The following MCM8 variants were observed in gnomAD, a reference collection of about 807,000 sequenced individuals.
MCM8 encodes the protein DNA helicase MCM8.
Under a neutral mutation model 98.9 loss-of-function variants are expected in MCM8, and 85 were observed. The observed-to-expected ratio is 0.86, with a 90% CI of 0.72 to 1.03. The LOEUF is 1.03. Ranked by LOEUF, MCM8 falls within the 50% of genes least tolerant of loss-of-function variation. MCM8 has a pLI of 0.00. For missense variants in MCM8, 951 were observed against 997.8 expected, an observed-to-expected ratio of 0.95 and a Z score of 0.63; for synonymous variants, 352 against 338.6, an observed-to-expected ratio of 1.04 and a Z score of -0.44.
chr20:5,985,080 A>G (rs1215601091), intron 15 of MCM8, 80 bp downstream of exon 15: 5 of 1,149,822 alleles, frequency 4.3e-6, no homozygotes, highest in Admixed American at 2.3e-5. Context: ...GTAGAGCAGT[A>G]GGATACAAAC....
chr20:5,971,314 C>T lies in MCM8; in HGVS notation c.1224-693C>T, dbSNP rs574820241. ...TTTTACAGCCTGTTCTCTCTGAAACCTGTTAGCCAAAGCTTCATCTGCATG... is the reference window on the plus strand; with the variant it reads ...TTTTACAGCCTGTTCTCTCTGAAACTTGTTAGCCAAAGCTTCATCTGCATG... On this transcript the variant is annotated intron_variant, in intron 10 of 18. Transcript: ENST00000610722. 5.9e-5 allele frequency among the ~76,000 whole-genome samples: 9 copies of T among 152,328 alleles called. 1 individual carries two copies. The highest frequency in any genetic ancestry group is 5.2e-4 in the Admixed American group (8 of 15,302).
chr20:5,962,992 A>G (rs963370776), intron 7 of MCM8, among the ~76,000 whole-genome samples: 2 of 152,194 alleles, frequency 1.3e-5, no homozygotes, highest in Non-Finnish European at 2.9e-5. Context: ...AGAGGAAGCA[A>G]TAAGTGCTTC....
At chr20:5,964,185 T>A (rs1002814569) in intron 8 of MCM8, among the ~76,000 whole-genome samples, 6 of 151,488 alleles carry the variant, frequency 4.0e-5, no homozygotes, top group Admixed American at 1.3e-4. Flanking sequence ...CATAATTGAT[T>A]ACATTTTTTC....
intron 12 of MCM8, among the ~76,000 whole-genome samples, chr20:5,974,373 C>T (rs1426914219): frequency 6.6e-6 from 1 of 152,168 alleles, no homozygotes; most frequent in Non-Finnish European, 1.5e-5. Flanking sequence ...GCAGATCCAC[C>T]TGCCTTAGCC....
At chr20:5,957,066 G>A in intron 5 of MCM8, 60 bp from the exon 6 acceptor site, 2 of 1,068,560 alleles carry the variant, frequency 1.9e-6, no homozygotes, top group South Asian at 1.5e-5. Flanking sequence ...TAAAAATAGA[G>A]TTCTGTATAA....
intron 8 of MCM8, among the ~76,000 whole-genome samples, chr20:5,966,757 T>G (rs1319128492): frequency 6.6e-6 from 1 of 152,228 alleles, no homozygotes; most frequent in Non-Finnish European, 1.5e-5. Context: ...ATTGGGTTTC[T>G]CAGATGGTAG....
intron 5 of MCM8, among the ~76,000 whole-genome samples, chr20:5,955,792 T>C (rs1050484437): frequency 2.0e-5 from 3 of 152,160 alleles, no homozygotes; most frequent in African/African-American, 7.2e-5. Flanking sequence ...TTTTATTTAT[T>C]TTTTTGAGAT....
intron 13 of MCM8, among the ~76,000 whole-genome samples, chr20:5,978,318 T>G (rs73894100): frequency 0.028 from 3,676 of 131,088 alleles, 129 homozygotes; most frequent in African/African-American, 0.078. Flanking sequence ...CTATCATATT[T>G]GTGATCATTT....
chr20:5,988,553 A>C (rs1217144723), intron 17 of MCM8, among the ~76,000 whole-genome samples: 1 of 152,012 alleles, frequency 6.6e-6, no homozygotes, highest in Non-Finnish European at 1.5e-5. Flanking sequence ...AATTATTAGC[A>C]GTTTTTTGTG....
rs16991638 is a variant in MCM8, at chr20:5,993,619, A to G, written c.2354A>G (p.Asn785Ser). The change falls in exon 18 of 19, where the codon AAC becomes AGC. Residue 785 changes from asparagine (N) to serine (S), a missense_variant. Coordinates refer to ENST00000610722, the MANE Select transcript of MCM8 (RefSeq NM_032485.6). Reference protein sequence around the residue: ...TAKRFISALNNVAERTYNNIF... With the variant: ...TAKRFISALNSVAERTYNNIF... ...AAAAGATTTATTTCTGCTCTCAACAACGTTGCTGAAAGAACTTATAATAAT... is the reference window on the plus strand; with the variant it reads ...AAAAGATTTATTTCTGCTCTCAACAGCGTTGCTGAAAGAACTTATAATAAT... 50,795 of 1,612,042 alleles carry G rather than the reference A, an allele frequency of 0.032. 1,904 individuals are homozygous for G. The highest frequency in any genetic ancestry group is 0.17 in the African/African-American group (12,583 of 74,968).
chr20:5,993,631 G>A lies in MCM8; in HGVS notation c.2366G>A (p.Arg789Lys). 6.2e-7 allele frequency: 1 copy of A among 1,611,846 alleles called. No homozygotes were observed. The highest frequency in any genetic ancestry group is 8.5e-7 in the Non-Finnish European group (1 of 1,178,530). The change falls in exon 18 of 19, where the codon AGA becomes AAA. Residue 789 changes from arginine to lysine, a missense_variant. Physicochemically the swap from Arg to Lys is conservative, Grantham distance 26. Transcript: ENST00000610722. ...TCTGCTCTCAACAACGTTGCTGAAAGAACTTATAATAATATATTTCAATTT... is the reference window on the plus strand; with the variant it reads ...TCTGCTCTCAACAACGTTGCTGAAAAAACTTATAATAATATATTTCAATTT... Reference protein sequence around the residue: ...FISALNNVAERTYNNIFQFHQ... With the variant: ...FISALNNVAEKTYNNIFQFHQ...
intron 11 of MCM8, chr20:5,972,503 C>A (rs982439334): frequency 1.3e-5 from 4 of 302,736 alleles, no homozygotes; most frequent in Non-Finnish European, 1.9e-5. Flanking sequence ...CGTATAGCTC[C>A]TTTTAAGAAA....
intron 13 of MCM8, among the ~76,000 whole-genome samples, chr20:5,980,456 C>T (rs1165814467): frequency 6.6e-6 from 1 of 151,754 alleles, no homozygotes; most frequent in Non-Finnish European, 1.5e-5. Context: ...AAATAAATAC[C>T]AAAAACATGT....
intron 7 of MCM8, among the ~76,000 whole-genome samples, chr20:5,961,530 A>T (rs189117303): frequency 1.3e-5 from 2 of 152,342 alleles, no homozygotes; most frequent in East Asian, 3.9e-4. Context: ...GTTCTGAATA[A>T]TCAGTGGTGT....
At position 5,998,609 on chromosome 20, in the gene MCM8, C is replaced by A. The variant is rs1465244903; in HGVS notation, c.*4218C>A. The A allele has an allele frequency of 6.6e-6, 1 of 152,154 alleles. No individual in the cohort carries two copies. Among genetic ancestry groups the A allele is most frequent in the African/African-American group, 2.4e-5 (1 of 41,424 alleles). The allele number at this position is 152,154 out of a possible 1,614,324, so 9.4% of individuals were successfully genotyped here. ...TAATTCTGGAGACCCAGTATGGAAC[C>A]CACTCCTAGCCCTTGTGACAATATT... On this transcript the variant is annotated 3_prime_UTR_variant, in exon 19 of 19. Transcript: ENST00000610722.
chr20:5,973,228 T>C (rs2089442996), intron 12 of MCM8, 32 bp downstream of exon 12: 7 of 1,607,088 alleles, frequency 4.4e-6, no homozygotes, highest in African/African-American at 1.3e-5. Context: ...GTTTGTTCTT[T>C]TGCTTGTAAA....
chr20:5,984,695 T>C (rs2089694399), intron 14 of MCM8, 86 bp from the exon 15 acceptor site: 1 of 1,107,792 alleles, frequency 9.0e-7, no homozygotes, highest in Admixed American at 2.3e-5. Flanking sequence ...TGCGTGGAAC[T>C]TGAGTAGTAA....
chr20:5,980,106 A>G (rs2089599754), intron 13 of MCM8, among the ~76,000 whole-genome samples: 1 of 151,974 alleles, frequency 6.6e-6, no homozygotes, highest in African/African-American at 2.4e-5. Context: ...TTTCCCCCTT[A>G]ATGTTTTGCT....
At chr20:5,963,525 C>CTT (rs34718923) in intron 8 of MCM8, among the ~76,000 whole-genome samples, 166 bp downstream of exon 8, 226 of 110,408 alleles carry the variant, frequency 2.0e-3, no homozygotes, top group Non-Finnish European at 3.1e-3. Context: ...TAAAATAATT[C>CTT]TTTTTTTTTT....
Sources: gnomAD v4.1 joint callset for allele counts (sites outside exome capture counted in the v4.1 genomes callset) on GRCh38, gnomAD v4.1.1 for gene constraint, MANE v1.5 for transcripts, NCBI Gene and HGNC (gene_info 2026-07-23, HGNC 2026-07-21) for gene names.